SCN3B: variants seen among roughly 807,000 people sequenced by gnomAD.
SCN3B encodes the protein sodium channel regulatory subunit beta-3.
Under a neutral mutation model 25.4 loss-of-function variants are expected in SCN3B, and 11 were observed. The ratio of observed to expected loss-of-function variants is 0.43; its 90% CI spans 0.27 to 0.72. The LOEUF is 0.72. Ranked by LOEUF, SCN3B falls within the 30% of genes least tolerant of loss-of-function variation. The pLI, the probability that SCN3B is intolerant of heterozygous loss-of-function variation, is 0.18. For missense variants in SCN3B, 218 were observed against 278.3 expected (o/e 0.78, Z 1.54); for synonymous variants, 109 against 110.7 (o/e 0.99, Z 0.09).
chr11:123,653,672 A>C, intron 2 of SCN3B, 75 bp downstream of exon 2: 2 of 1,541,684 alleles, frequency 1.3e-6, no homozygotes, highest in Non-Finnish European at 1.8e-6. Context: ...TCTGTCACCA[A>C]CGACATCAAT....
At chr11:123,634,675 G>A (rs765972165) in intron 5 of SCN3B, among the ~76,000 whole-genome samples, 17 of 152,192 alleles carry the variant, frequency 1.1e-4, no homozygotes, top group African/African-American at 3.4e-4. Flanking sequence ...CTGGGAGGTC[G>A]AGGCCATGAT....
chr11:123,651,775 G>A (rs1189171809), intron 2 of SCN3B, among the ~76,000 whole-genome samples: 2 of 152,204 alleles, frequency 1.3e-5, no homozygotes, highest in Non-Finnish European at 2.9e-5. Flanking sequence ...AAGAAACTGA[G>A]AATGGGCAAA....
rs1038269619 is a variant in SCN3B at position 123,630,565 on chromosome 11, T to G, written c.*3234A>C. 1.3e-5 allele frequency: 2 copies of G among 152,554 alleles called. No homozygotes were observed. Among genetic ancestry groups the G allele is most frequent in the Admixed American group, 1.3e-4 (2 of 15,266 alleles). 9.5% of individuals were successfully genotyped at this position (152,554 alleles called of 1,614,324 possible). ...ATCTAGTCTGGGTCTTTCGTAGGAT[T>G]ATGGGAAGAGACAGGGAGGTGGGTG... On this transcript the variant is annotated 3_prime_UTR_variant, in exon 7 of 7. Coordinates refer to ENST00000299333, the MANE Select transcript of SCN3B (RefSeq NM_001040151.2).
chr11:123,630,095 A>G lies in SCN3B; in HGVS notation c.*3704T>C, dbSNP rs915365601. On this transcript the variant is annotated 3_prime_UTR_variant, in exon 7 of 7. Coordinates refer to ENST00000299333, the MANE Select transcript of SCN3B (RefSeq NM_001040151.2). Reference sequence around the variant, plus strand: ...TGCTTTGAAAAGTAACTTTCCTAGTAATATTTCTAGTTGGACATCTAAGGA... The same window carrying G: ...TGCTTTGAAAAGTAACTTTCCTAGTGATATTTCTAGTTGGACATCTAAGGA... The G allele has an allele frequency of 1.3e-5, 2 of 152,236 alleles. No individual in the cohort carries two copies. Among genetic ancestry groups the G allele is most frequent in the South Asian group, 2.1e-4 (1 of 4,828 alleles). 9.4% of individuals were successfully genotyped at this position (152,236 alleles called of 1,614,324 possible). A position where few individuals can be genotyped will look rare whatever the true frequency, so the allele number is the denominator to read the frequency against.
chr11:123,645,665 G>C lies in SCN3B; in HGVS notation c.141C>G (p.Ser47=). The C allele has an allele frequency of 6.2e-7, 1 of 1,614,178 alleles. No individual in the cohort carries two copies. Among genetic ancestry groups the C allele is most frequent in the Non-Finnish European group, 8.5e-7 (1 of 1,180,016 alleles). The stretch of plus-strand genomic sequence containing the variant: ...CCTCCACCTCCTCTCTCTTCATGCA[G>C]GAGATGCAGCGCAGCTTCATGGGGT... ...QGNPMKLRCI[S]CMKREEVEAT... The change falls in exon 3 of 7, where the codon TCC becomes TCG. Residue 47 remains serine (S), a synonymous_variant. Transcript: ENST00000299333.
Position 123,638,965 on chromosome 11 carries a change from A to T in SCN3B, c.446-641T>A, listed in dbSNP as rs111415659. On this transcript the variant is annotated intron_variant, in intron 4 of 6. Transcript: ENST00000299333. ...CAAAACCAAACATAAATATTGGAGGATTTAGTGTATCAACCGCATTGTCCC... is the reference window on the plus strand; with the variant it reads ...CAAAACCAAACATAAATATTGGAGGTTTTAGTGTATCAACCGCATTGTCCC... 544 of 163,938 alleles carry T rather than the reference A, an allele frequency of 3.3e-3. 6 individuals are homozygous for T. The highest frequency in any genetic ancestry group is 0.012 in the African/African-American group (504 of 41,638). 10.2% of individuals were successfully genotyped at this position (163,938 alleles called of 1,614,324 possible). A position where few individuals can be genotyped will look rare whatever the true frequency, so the allele number is the denominator to read the frequency against.
In SCN3B at chr11:123,629,535, G is replaced by C. The variant is rs974613464; in HGVS notation, c.*4264C>G. Reference sequence around the variant, plus strand: ...GCGTCCTGCTGCAAACTCAACTAAGGGGGAGGAAGTGGGCTGAACTAATCA... The same window carrying C: ...GCGTCCTGCTGCAAACTCAACTAAGCGGGAGGAAGTGGGCTGAACTAATCA... On this transcript the variant is annotated 3_prime_UTR_variant, in exon 7 of 7. Transcript: ENST00000299333. 6.6e-6 allele frequency: 1 copy of C among 152,276 alleles called. No homozygotes were observed. Among genetic ancestry groups the C allele is most frequent in the East Asian group, 1.9e-4 (1 of 5,192 alleles). The allele number at this position is 152,276 out of a possible 1,614,324, so 9.4% of individuals were successfully genotyped here. A position where few individuals can be genotyped will look rare whatever the true frequency, so the allele number is the denominator to read the frequency against.
At chr11:123,636,944 G>A (rs1246992598) in intron 5 of SCN3B, among the ~76,000 whole-genome samples, 1 of 152,026 alleles carries the variant, frequency 6.6e-6, no homozygotes. Flanking sequence ...TGCCTGCCTC[G>A]ACCTCCCAAA....
rs145531082 is a variant in SCN3B at position 123,630,158 on chromosome 11, T to C, written c.*3641A>G. The C allele has an allele frequency of 6.6e-6, 1 of 152,410 alleles. No individual in the cohort carries two copies. Among genetic ancestry groups the C allele is most frequent in the East Asian group, 1.9e-4 (1 of 5,184 alleles). 9.4% of individuals were successfully genotyped at this position (152,410 alleles called of 1,614,324 possible). On this transcript the variant is annotated 3_prime_UTR_variant, in exon 7 of 7. Coordinates refer to ENST00000299333, the MANE Select transcript of SCN3B (RefSeq NM_001040151.2). ...TCAGAAGGAAGTCTGGGTGTGTGGG[T>C]GTCTGGGAATGGAGAAACTAAAAGG...
intron 4 of SCN3B, chr11:123,638,910 TG>T (rs895110262): frequency 5.4e-5 from 9 of 167,578 alleles, no homozygotes; most frequent in Non-Finnish European, 1.0e-4. Flanking sequence ...TCTACAAGTC[TG>T]GGTTAGAAAC....
intron 4 of SCN3B, chr11:123,638,729 C>A: frequency 3.4e-6 from 1 of 297,074 alleles, no homozygotes; most frequent in South Asian, 3.4e-5. Flanking sequence ...TAATGTATTT[C>A]AGAACATCTT....
chr11:123,637,471 G>A lies in SCN3B; in HGVS notation c.584+715C>T, dbSNP rs79483026. Among the ~76,000 whole-genome samples the A allele has an allele frequency of 8.2e-3, 1,248 of 152,164 alleles. 10 individuals are homozygous for A. Among genetic ancestry groups the A allele is most frequent in the African/African-American group, 0.028 (1,160 of 41,524 alleles). ...GTGCCTTGGTAAGCTGCTATGAGTC[G>A]GCTTGGCATTTACAGAACGGTTATA... On this transcript the variant is annotated intron_variant, in intron 5 of 6. Coordinates refer to ENST00000299333, the MANE Select transcript of SCN3B (RefSeq NM_001040151.2).
rs563293933 is a variant in SCN3B, at chr11:123,645,921, G to A, written c.56-171C>T. Among the ~76,000 whole-genome samples, 5 of 152,286 alleles carry A rather than the reference G, an allele frequency of 3.3e-5. No homozygotes were observed. The East Asian group carries it at 9.7e-4, about 29-fold the overall frequency. On this transcript the variant is annotated intron_variant, in intron 2 of 6. Coordinates refer to ENST00000299333, the MANE Select transcript of SCN3B (RefSeq NM_001040151.2). The stretch of plus-strand genomic sequence containing the variant: ...GTCTACACCTTCACCTGCGCTCCCT[G>A]AATGTACAGGCTCAGAACGTGTACA...
At chr11:123,638,045 GT>G in intron 5 of SCN3B, 140 bp downstream of exon 5, 1 of 997,558 alleles carries the variant, frequency 1.0e-6, no homozygotes. Flanking sequence ...TGTAAAATGG[GT>G]ATAATAATGG....
chr11:123,653,611 C>A, intron 2 of SCN3B, 136 bp downstream of exon 2: 1 of 977,002 alleles, frequency 1.0e-6, no homozygotes, highest in Non-Finnish European at 1.6e-6. Context: ...GAACCCCTGC[C>A]ATCTCCATGT....
chr11:123,636,981 C>T (rs1332230321), intron 5 of SCN3B, among the ~76,000 whole-genome samples: 1 of 152,120 alleles, frequency 6.6e-6, no homozygotes, highest in Non-Finnish European at 1.5e-5. Flanking sequence ...CGAGAGCCAC[C>T]GCGCCCGGCC....
At chr11:123,648,547 A>G (rs1720339) in intron 2 of SCN3B, among the ~76,000 whole-genome samples, 12,463 of 152,228 alleles carry the variant, frequency 0.082, 530 homozygotes, top group Middle Eastern at 0.11. Flanking sequence ...TTACATTCCA[A>G]TGGAGGGAGA....
chr11:123,642,803 G>T lies in SCN3B; in HGVS notation c.220-132C>A. ...AGGGAAGAGAGGGGACAATGCCACCGGGAGACCCAGAATGTGGGGGTGGGA... is the reference window on the plus strand; with the variant it reads ...AGGGAAGAGAGGGGACAATGCCACCTGGAGACCCAGAATGTGGGGGTGGGA... On this transcript the variant is annotated intron_variant, in intron 3 of 6. Coordinates refer to ENST00000299333, the MANE Select transcript of SCN3B (RefSeq NM_001040151.2). The surrounding 1 kb of genome is among the most constrained non-coding windows in gnomAD (Gnocchi z 4.3). 1.4e-6 allele frequency: 1 copy of T among 735,360 alleles called. No homozygotes were observed. The allele number at this position is 735,360 out of a possible 1,614,324, so 45.6% of individuals were successfully genotyped here.
chr11:123,648,749 T>G (rs760700053), intron 2 of SCN3B, among the ~76,000 whole-genome samples: 19 of 152,036 alleles, frequency 1.2e-4, no homozygotes, highest in Admixed American at 4.6e-4. Flanking sequence ...AAATTGCAAC[T>G]CAAGGGCTCA....
Sources: gnomAD v4.1 joint callset for allele counts (sites outside exome capture counted in the v4.1 genomes callset) on GRCh38, gnomAD v4.1.1 for gene constraint, Gnocchi (gnomAD v3.1) non-coding constraint, MANE v1.5 for transcripts, NCBI Gene and HGNC (gene_info 2026-07-23, HGNC 2026-07-21) for gene names.